CTNND2: variants seen among roughly 807,000 people sequenced by gnomAD.
The protein encoded by CTNND2 is catenin delta 2, also known as catenin delta-2.
Under a neutral mutation model 144.4 loss-of-function variants are expected in CTNND2, and 22 were observed. The ratio of observed to expected loss-of-function variants is 0.15; its 90% CI spans 0.11 to 0.22. CTNND2 has a LOEUF of 0.22. Among genes scored for constraint, CTNND2 ranks in the 10% least tolerant of loss-of-function variants. The probability of loss-of-function intolerance (pLI) is 1.00; values close to 1 mark genes in which losing one functional copy is unlikely to be tolerated. For synonymous variants in CTNND2, 751 were observed against 695.6 expected, an observed-to-expected ratio of 1.08 and a Z score of -1.25; for missense variants, 1,353 against 1,618.8, an observed-to-expected ratio of 0.84 and a Z score of 2.82.
chr5:11,720,140 C>A (rs760211357), intron 2 of CTNND2, among the ~76,000 whole-genome samples: 1 of 152,124 alleles, frequency 6.6e-6, no homozygotes, highest in East Asian at 1.9e-4. Context: ...AAAGAGACAG[C>A]AGCAACTGGC....
intron 16 of CTNND2, among the ~76,000 whole-genome samples, chr5:11,070,863 A>T (rs887554412): frequency 6.6e-6 from 1 of 152,206 alleles, no homozygotes; most frequent in African/African-American, 2.4e-5. Flanking sequence ...TCAGATTTAT[A>T]CAAGTTTATT....
chr5:11,220,736 G>A lies in CTNND2; in HGVS notation c.1761+15955C>T, dbSNP rs78271957. The stretch of plus-strand genomic sequence containing the variant: ...CCATAAATACTTAGAGATTGGATAT[G>A]CCAGTATTATTCACCCACTGCTACA... On this transcript the variant is annotated intron_variant, in intron 10 of 21. Transcript: ENST00000304623. Among the ~76,000 whole-genome samples the A allele has an allele frequency of 3.2e-3, 483 of 152,288 alleles. 4 individuals are homozygous for A. The highest frequency in any genetic ancestry group is 0.011 in the African/African-American group (451 of 41,542).
chr5:11,010,659 G>C (rs1740975520), intron 18 of CTNND2, among the ~76,000 whole-genome samples: 1 of 152,238 alleles, frequency 6.6e-6, no homozygotes, highest in Non-Finnish European at 1.5e-5. Context: ...ATTTGGACAT[G>C]TGAGGAAATC....
chr5:11,096,028 GTTCA>G (rs1423453438), intron 15 of CTNND2, among the ~76,000 whole-genome samples: 2 of 151,892 alleles, frequency 1.3e-5, no homozygotes, highest in East Asian at 3.9e-4. Context: ...CTGATGCACT[GTTCA>G]TTTTTTCTTC....
chr5:11,159,465 T>C (rs1758547570), intron 12 of CTNND2, 111 bp downstream of exon 12: 2 of 871,648 alleles, frequency 2.3e-6, no homozygotes, highest in South Asian at 2.3e-5. Flanking sequence ...TCAACATTCA[T>C]GTTTTCAGAA....
chr5:11,807,287 G>A (rs1792056798), intron 1 of CTNND2, among the ~76,000 whole-genome samples: 1 of 152,094 alleles, frequency 6.6e-6, no homozygotes, highest in Admixed American at 6.6e-5. Context: ...TATAAAGAAT[G>A]CTTGTTGTGT....
At chr5:11,756,769 T>C (rs1014448825) in intron 1 of CTNND2, among the ~76,000 whole-genome samples, 44 of 29,368 alleles carry the variant, frequency 1.5e-3, no homozygotes, top group Admixed American at 2.1e-3. Context: ...CTTATGAATT[T>C]ATCATGTTTA....
chr5:11,685,303 G>A (rs1236349482), intron 2 of CTNND2, among the ~76,000 whole-genome samples: 2 of 152,176 alleles, frequency 1.3e-5, no homozygotes, highest in Non-Finnish European at 1.5e-5. Context: ...GTCAAAACTT[G>A]TCCAATGTCT....
At chr5:11,865,883 C>T (rs1795738353) in intron 1 of CTNND2, among the ~76,000 whole-genome samples, 2 of 78,440 alleles carry the variant, frequency 2.5e-5, no homozygotes, top group Non-Finnish European at 5.2e-5. Context: ...TGGGGGCAAC[C>T]TTTAGAAGCT....
intron 9 of CTNND2, among the ~76,000 whole-genome samples, chr5:11,322,757 T>G (rs1752157850): frequency 6.6e-6 from 1 of 152,182 alleles, no homozygotes; most frequent in African/African-American, 2.4e-5. Context: ...TACAAAAGTA[T>G]GGGCATTCTC....
chr5:11,624,734 T>C (rs1781061496), intron 2 of CTNND2, among the ~76,000 whole-genome samples: 1 of 152,084 alleles, frequency 6.6e-6, no homozygotes, highest in African/African-American at 2.4e-5. Context: ...CTGCTCCTGT[T>C]AAGGAAAATT....
intron 3 of CTNND2, among the ~76,000 whole-genome samples, chr5:11,555,530 T>C (rs530697023): frequency 5.3e-5 from 8 of 152,194 alleles, no homozygotes; most frequent in Admixed American, 2.6e-4. Context: ...AGAAAGAGAA[T>C]GAAAACCTGA....
At chr5:11,405,063 T>C (rs1248670089) in intron 5 of CTNND2, among the ~76,000 whole-genome samples, 1 of 152,178 alleles carries the variant, frequency 6.6e-6, no homozygotes, top group Non-Finnish European at 1.5e-5. Flanking sequence ...CTTTTTCTCA[T>C]ACCTATGGCA....
intron 9 of CTNND2, among the ~76,000 whole-genome samples, chr5:11,322,660 G>GA (rs554956925): frequency 5.4e-4 from 82 of 152,068 alleles, no homozygotes; most frequent in African/African-American, 1.9e-3. Flanking sequence ...ACAGCTATAG[G>GA]ATAAAAAGTG....
intron 13 of CTNND2, among the ~76,000 whole-genome samples, chr5:11,112,878 C>T (rs936708115): frequency 6.6e-6 from 1 of 152,148 alleles, no homozygotes; most frequent in South Asian, 2.1e-4. Flanking sequence ...CGCGGTGGCT[C>T]ATGCCTGTAA....
intron 3 of CTNND2, among the ~76,000 whole-genome samples, chr5:11,469,956 C>G (rs1767017095): frequency 6.6e-6 from 1 of 152,126 alleles, no homozygotes; most frequent in South Asian, 2.1e-4. Flanking sequence ...TGGTCTGAGT[C>G]TTCACAGGGC....
intron 12 of CTNND2, among the ~76,000 whole-genome samples, chr5:11,134,569 A>G (rs1755942641): frequency 6.6e-6 from 1 of 152,254 alleles, no homozygotes; most frequent in Admixed American, 6.5e-5. Flanking sequence ...ATTTTCACAA[A>G]TGTTCATTTT....
Position 11,124,232 on chromosome 5 carries a change from C to A in CTNND2, c.2160-6665G>T, listed in dbSNP as rs555243365. Among the ~76,000 whole-genome samples, 4 of 152,210 alleles carry A rather than the reference C, an allele frequency of 2.6e-5. No individual in the cohort carries two copies. In the East Asian group the frequency reaches 7.7e-4, roughly 29 times the overall value. On this transcript the variant is annotated intron_variant, in intron 12 of 21. Transcript: ENST00000304623. ...AGACTGAACAGACCTAATAGCTACC[C>A]CTTCAAAGAGCCATATTATTAGCAG...
chr5:11,493,242 G>C (rs986227390), intron 3 of CTNND2, among the ~76,000 whole-genome samples: 2 of 152,192 alleles, frequency 1.3e-5, no homozygotes, highest in Admixed American at 6.5e-5. Context: ...ATGGGGTTAT[G>C]ATTCCATCAG....
Sources: gnomAD v4.1 joint callset for allele counts (sites outside exome capture counted in the v4.1 genomes callset) on GRCh38, gnomAD v4.1.1 for gene constraint, MANE v1.5 for transcripts, NCBI Gene and HGNC (gene_info 2026-07-23, HGNC 2026-07-21) for gene names.